Variants in PLXDC1 observed in about 807,000 individuals in gnomAD.
PLXDC1 encodes the protein plexin domain-containing protein 1.
In PLXDC1, 39 loss-of-function variants were observed where a neutral mutation model predicts 61.3. The observed-to-expected ratio is 0.64, with a 90% CI of 0.49 to 0.83. PLXDC1 has a LOEUF of 0.83. Among genes scored for constraint, PLXDC1 ranks in the 40% least tolerant of loss-of-function variants. The pLI is 0.00. For synonymous variants in PLXDC1, 212 were observed against 254.5 expected (o/e 0.83, Z 1.59); for missense variants, 596 against 666.5 (o/e 0.89, Z 1.17).
At chr17:39,103,037 A>G (rs1280947504) in intron 7 of PLXDC1, among the ~76,000 whole-genome samples, 3 of 152,210 alleles carry the variant, frequency 2.0e-5, no homozygotes. Flanking sequence ...TAACATGGTG[A>G]AACCCCATCT....
intron 1 of PLXDC1, chr17:39,144,737 T>C (rs1912042558): frequency 6.6e-6 from 1 of 152,358 alleles, no homozygotes; most frequent in Admixed American, 6.5e-5. Context: ...CCTGGACCCG[T>C]TCCCCGCCTG....
intron 7 of PLXDC1, among the ~76,000 whole-genome samples, chr17:39,094,779 C>A (rs1293604856): frequency 6.6e-6 from 1 of 152,146 alleles, no homozygotes; most frequent in East Asian, 1.9e-4. Context: ...GGAAGCACGC[C>A]CTCCCTCCCC....
Position 39,151,634 on chromosome 17 carries a change from G to A in PLXDC1, c.-197C>T, listed in dbSNP as rs1256200550. On this transcript the variant is annotated 5_prime_UTR_variant, in exon 1 of 14. Transcript: ENST00000315392. This position sits in a 1 kb window ranked among gnomAD's most constrained non-coding sequence, Gnocchi z 5.2. ...CGGAGCTGGAGGCTGCGGCCTCCGG[G>A]AGCAGGCGGGGAGCTGGGGGGGCCG... The A allele has an allele frequency of 1.9e-6, 2 of 1,037,420 alleles. No individual in the cohort carries two copies. Among genetic ancestry groups the A allele is most frequent in the Non-Finnish European group, 2.3e-6 (2 of 858,520 alleles). The allele number at this position is 1,037,420 out of a possible 1,614,324, so 64.3% of individuals were successfully genotyped here.
chr17:39,109,008 G>A (rs1433277109), intron 3 of PLXDC1, 35 bp from the exon 4 acceptor site: 1 of 1,539,988 alleles, frequency 6.5e-7, no homozygotes, highest in Non-Finnish European at 9.0e-7. Flanking sequence ...CACGGGCCAA[G>A]CTGCAGGCCA....
In PLXDC1 at chr17:39,087,625, C is replaced by T; in HGVS notation, c.889G>A (p.Glu297Lys). The stretch of plus-strand genomic sequence containing the variant: ...TACTCACTCGGCAATGGGGTGAACT[C>T]CACGGCCGACATGCTGGTGACCTTG... The part of the protein sequence containing the change: ...PSKVTSMSAV[E>K]FTPLPTCLQH... Residue 297 changes from glutamate to lysine, a missense_variant, in exon 8 of 14, where the codon GAG becomes AAG. Physicochemically the swap from Glu to Lys is moderately conservative, Grantham distance 56. Transcript: ENST00000315392. 6.2e-7 allele frequency: 1 copy of T among 1,613,958 alleles called. No homozygotes were observed. Among genetic ancestry groups the T allele is most frequent in the Non-Finnish European group, 8.5e-7 (1 of 1,179,842 alleles).
intron 7 of PLXDC1, among the ~76,000 whole-genome samples, chr17:39,101,851 C>T (rs922013082): frequency 3.9e-5 from 6 of 152,070 alleles, no homozygotes; most frequent in African/African-American, 7.2e-5. Context: ...TGCAGTGTTG[C>T]GTGGGAAGGG....
At chr17:39,149,371 T>G (rs932959813) in intron 1 of PLXDC1, among the ~76,000 whole-genome samples, 4 of 151,702 alleles carry the variant, frequency 2.6e-5, no homozygotes. Flanking sequence ...TTAGCAACTC[T>G]CCCCCAGAAC....
chr17:39,146,948 A>ATTTTTTTTT (rs869300584), intron 1 of PLXDC1, among the ~76,000 whole-genome samples: 1 of 74,686 alleles, frequency 1.3e-5, no homozygotes, highest in Non-Finnish European at 2.5e-5. Context: ...ACAGGAAATG[A>ATTTTTTTTT]TTTTTTTTTT....
intron 1 of PLXDC1, among the ~76,000 whole-genome samples, chr17:39,150,407 C>T (rs1305202946): frequency 1.3e-5 from 2 of 152,306 alleles, no homozygotes; most frequent in Non-Finnish European, 2.9e-5. Flanking sequence ...TCAACAGCGC[C>T]TCCCTCACCC....
chr17:39,152,598 G>A, upstream of PLXDC1: 1 of 1,251,916 alleles, frequency 8.0e-7, no homozygotes, highest in Non-Finnish European at 1.0e-6. Context: ...GAGACGGGGT[G>A]AGGGGGCATC....
At chr17:39,149,426 C>T (rs1433034371) in intron 1 of PLXDC1, among the ~76,000 whole-genome samples, 1 of 152,196 alleles carries the variant, frequency 6.6e-6, no homozygotes, top group African/African-American at 2.4e-5. Flanking sequence ...GCTTCCTCCT[C>T]ATAGGTCCTC....
intron 7 of PLXDC1, among the ~76,000 whole-genome samples, chr17:39,096,664 C>T (rs1598194764): frequency 2.0e-5 from 3 of 152,314 alleles, no homozygotes; most frequent in East Asian, 1.9e-4. Flanking sequence ...CAAGGCCATT[C>T]GGGGCCAGCC....
chr17:39,142,101 C>G (rs893797405), intron 1 of PLXDC1, among the ~76,000 whole-genome samples: 1 of 152,082 alleles, frequency 6.6e-6, no homozygotes, highest in Non-Finnish European at 1.5e-5. Context: ...TCACTAAATG[C>G]CAGTAGCACC....
intron 2 of PLXDC1, 104 bp from the exon 3 acceptor site, chr17:39,109,495 C>T: frequency 7.2e-7 from 1 of 1,388,252 alleles, no homozygotes; most frequent in Non-Finnish European, 9.8e-7. Flanking sequence ...AGGAAGTCAC[C>T]ACCCTCCCAG....
chr17:39,068,754 C>T (rs1458468904), intron 13 of PLXDC1, among the ~76,000 whole-genome samples: 1 of 152,174 alleles, frequency 6.6e-6, no homozygotes. Context: ...ATCTGCAGTT[C>T]CCAGGTGTTA....
intron 2 of PLXDC1, among the ~76,000 whole-genome samples, chr17:39,134,346 C>T (rs558590912): frequency 5.3e-5 from 8 of 151,980 alleles, no homozygotes; most frequent in Admixed American, 1.3e-4. Flanking sequence ...ACCACATTGG[C>T]GGGGTGTGGT....
intron 9 of PLXDC1, 45 bp downstream of exon 9, chr17:39,083,414 C>G: frequency 6.6e-7 from 1 of 1,510,680 alleles, no homozygotes; most frequent in Non-Finnish European, 9.2e-7. Context: ...CTCTTCCCCT[C>G]CACAGTCGGC....
At chr17:39,088,771 A>AT (rs1236703918) in intron 7 of PLXDC1, among the ~76,000 whole-genome samples, 2 of 151,826 alleles carry the variant, frequency 1.3e-5, no homozygotes, top group Non-Finnish European at 2.9e-5. Flanking sequence ...TTTTTAGTAG[A>AT]AACCCTGTCT....
At chr17:39,095,375 C>CG (rs1567759244) in intron 7 of PLXDC1, among the ~76,000 whole-genome samples, 3 of 10,456 alleles carry the variant, frequency 2.9e-4, no homozygotes, top group Non-Finnish European at 5.1e-4. Flanking sequence ...CCGCCCCCCC[C>CG]CCCCAACCCC....
Sources: gnomAD v4.1 joint callset for allele counts (sites outside exome capture counted in the v4.1 genomes callset) on GRCh38, gnomAD v4.1.1 for gene constraint, Gnocchi (gnomAD v3.1) non-coding constraint, MANE v1.5 for transcripts, NCBI Gene and HGNC (gene_info 2026-07-23, HGNC 2026-07-21) for gene names.